Variants in MED13L observed in about 807,000 individuals in gnomAD.
The protein encoded by MED13L is mediator of RNA polymerase II transcription subunit 13-like.
A neutral mutation model predicts 220.9 loss-of-function variants in MED13L; 7 were observed. The observed-to-expected ratio is 0.03, with a 90% confidence interval of 0.02 to 0.06. MED13L has a LOEUF of 0.06. Among genes scored for constraint, MED13L ranks in the 10% least tolerant of loss-of-function variants. The pLI is 1.00. For synonymous variants in MED13L, 1,011 were observed against 1,015.2 expected (o/e 1.00, Z 0.08); for missense variants, 1,965 against 2,760.5 (o/e 0.71, Z 6.46).
At chr12:115,975,456 A>T (rs1876872595) in intron 24 of MED13L, 59 bp downstream of exon 24, 1 of 1,595,858 alleles carries the variant, frequency 6.3e-7, no homozygotes, top group Non-Finnish European at 8.6e-7. Context: ...GGAAATATTC[A>T]TATTTGAGGA....
chr12:116,073,557 T>C (rs1437438856), intron 4 of MED13L, among the ~76,000 whole-genome samples: 3 of 152,186 alleles, frequency 2.0e-5, no homozygotes, highest in Non-Finnish European at 2.9e-5. Context: ...AAATAATTGA[T>C]AGTAAAAAAA....
At chr12:116,067,173 AT>A (rs1213458738) in intron 4 of MED13L, among the ~76,000 whole-genome samples, 5 of 152,094 alleles carry the variant, frequency 3.3e-5, no homozygotes, top group Admixed American at 1.3e-4. Flanking sequence ...TGTAAAAACT[AT>A]TTTTATTATA....
chr12:115,968,199 C>G (rs867343489), intron 28 of MED13L, among the ~76,000 whole-genome samples: 1 of 152,196 alleles, frequency 6.6e-6, no homozygotes, highest in East Asian at 1.9e-4. Flanking sequence ...AGTCTCATAA[C>G]ATTTTAAATA....
intron 17 of MED13L, among the ~76,000 whole-genome samples, chr12:115,987,585 T>C (rs1474021789): frequency 6.6e-6 from 1 of 152,216 alleles, no homozygotes; most frequent in Non-Finnish European, 1.5e-5. Context: ...TTTAAAACCA[T>C]GGAAATCTGT....
At chr12:116,252,138 AATT>A (rs1432022319) in intron 1 of MED13L, among the ~76,000 whole-genome samples, 1 of 152,108 alleles carries the variant, frequency 6.6e-6, no homozygotes, top group East Asian at 1.9e-4. Flanking sequence ...GTAGACATAA[AATT>A]AATAAGGATA....
In MED13L at chr12:115,986,335, C is replaced by A. The variant is rs997965874; in HGVS notation, c.4269G>T (p.Val1423=). 9.9e-6 allele frequency: 16 copies of A among 1,614,056 alleles called. No individual in the cohort carries two copies. The highest frequency in any genetic ancestry group is 1.7e-5 in the Admixed American group (1 of 60,008). The change falls in exon 19 of 31, where the codon GTG becomes GTT. Residue 1423 remains valine, a synonymous_variant. Transcript: ENST00000281928. ...CGAGCAAGGCCTCATTTTCTGGACA[C>A]ACCACAATATAGGCAACATCACGGT... The part of the protein sequence containing the change: ...GGHRDVAYIV[V]CPENEALLEG...
chr12:116,229,827 T>C (rs1214485460), intron 2 of MED13L, among the ~76,000 whole-genome samples: 5 of 152,200 alleles, frequency 3.3e-5, no homozygotes, highest in Non-Finnish European at 7.4e-5. Flanking sequence ...ACTAGACCCA[T>C]TCAGATAATC....
Position 116,022,440 on chromosome 12 carries a change from G to T in MED13L, c.625+16C>A. On this transcript the variant is annotated intron_variant, in intron 5 of 30. Coordinates refer to ENST00000281928, the MANE Select transcript of MED13L (RefSeq NM_015335.5). Reference sequence around the variant, plus strand: ...GGTGGCGGATAGGGGTGGAGAGCAGGAACACCCATACTTACCTTGAAATGG... The same window carrying T: ...GGTGGCGGATAGGGGTGGAGAGCAGTAACACCCATACTTACCTTGAAATGG... 1 of 1,613,330 alleles carries T rather than the reference G, an allele frequency of 6.2e-7. No individual in the cohort carries two copies. The highest frequency in any genetic ancestry group is 1.1e-5 in the South Asian group (1 of 90,986).
At chr12:116,118,849 C>T (rs370328994) in intron 2 of MED13L, among the ~76,000 whole-genome samples, 7 of 152,194 alleles carry the variant, frequency 4.6e-5, no homozygotes, top group Non-Finnish European at 1.0e-4. Context: ...GTGCAAACCA[C>T]TCGGAAGCAA....
chr12:116,214,345 A>G (rs1296215378), intron 2 of MED13L, among the ~76,000 whole-genome samples: 2 of 152,172 alleles, frequency 1.3e-5, no homozygotes, highest in Non-Finnish European at 2.9e-5. Context: ...CTTGTTATGC[A>G]GTAACTCAGT....
chr12:116,019,279 T>C lies in MED13L; in HGVS notation c.954A>G (p.Pro318=). 2 of 1,614,002 alleles carry C rather than the reference T, an allele frequency of 1.2e-6. No homozygotes were observed. Among genetic ancestry groups the C allele is most frequent in the Non-Finnish European group, 8.5e-7 (1 of 1,179,954 alleles). The change falls in exon 7 of 31, where the codon CCA becomes CCG. Residue 318 remains proline, a synonymous_variant. Coordinates refer to ENST00000281928, the MANE Select transcript of MED13L (RefSeq NM_015335.5). ...GQQGLGSVKD[P]SNCGMPLTPP... ...GGGTCAGAGGCATCCCACAGTTACT[T>C]GGGTCCTTCACACTACCAAGCCCTT... is the stretch of plus-strand genomic sequence containing the variant.
chr12:116,259,263 T>C (rs986418638), intron 1 of MED13L, among the ~76,000 whole-genome samples: 1 of 152,148 alleles, frequency 6.6e-6, no homozygotes, highest in Non-Finnish European at 1.5e-5. Context: ...AAAAAGCACA[T>C]TGCAGGAAAA....
chr12:116,048,280 A>C (rs1293539666), intron 4 of MED13L, among the ~76,000 whole-genome samples: 2 of 152,202 alleles, frequency 1.3e-5, no homozygotes, highest in Admixed American at 6.5e-5. Context: ...GTGCTTCAGA[A>C]GACACTGTAT....
At chr12:116,019,479 A>G in intron 6 of MED13L, 67 bp from the exon 7 acceptor site, 1 of 1,544,106 alleles carries the variant, frequency 6.5e-7, no homozygotes, top group Non-Finnish European at 8.9e-7. Flanking sequence ...TTCCAATTTT[A>G]TGATTCCAAT....
At chr12:116,142,995 G>T (rs540231993) in intron 2 of MED13L, among the ~76,000 whole-genome samples, 1 of 152,114 alleles carries the variant, frequency 6.6e-6, no homozygotes. Flanking sequence ...GACAAGTTTC[G>T]TGGGCTCAGG....
Position 115,997,193 on chromosome 12 carries a change from T to C in MED13L, c.2607A>G (p.Pro869=), listed in dbSNP as rs1297222630. The C allele has an allele frequency of 3.1e-6, 5 of 1,614,066 alleles. No individual in the cohort carries two copies. The highest frequency in any genetic ancestry group is 3.4e-6 in the Non-Finnish European group (4 of 1,179,998). The change falls in exon 15 of 31, where the codon CCA becomes CCG. Residue 869 remains proline, a synonymous_variant. Transcript: ENST00000281928. ...AAAATGCAGGATGCTGTTCCAAAGA[T>C]GGTGGAGTGGGAAACATCCTTTGCA... ...ADLQRMFPTP[P]SLEQHPAFSP...
intron 2 of MED13L, among the ~76,000 whole-genome samples, chr12:116,225,402 C>T (rs1373882718): frequency 6.6e-6 from 1 of 152,112 alleles, no homozygotes; most frequent in African/African-American, 2.4e-5. Context: ...AAATCAAGAG[C>T]CCCTTTGTTA....
intron 2 of MED13L, among the ~76,000 whole-genome samples, chr12:116,162,003 C>T (rs1288328271): frequency 1.3e-5 from 2 of 152,084 alleles, no homozygotes; most frequent in Non-Finnish European, 2.9e-5. Context: ...ACAATGGCTA[C>T]ATCCATGTGA....
intron 2 of MED13L, among the ~76,000 whole-genome samples, chr12:116,130,952 A>T (rs1006356154): frequency 2.0e-5 from 3 of 152,246 alleles, no homozygotes; most frequent in Admixed American, 1.3e-4. Context: ...ATTTTCACTT[A>T]AACACACATG....
Sources: gnomAD v4.1 joint callset for allele counts (sites outside exome capture counted in the v4.1 genomes callset) on GRCh38, gnomAD v4.1.1 for gene constraint, MANE v1.5 for transcripts, NCBI Gene and HGNC (gene_info 2026-07-23, HGNC 2026-07-21) for gene names.